DMD: variants seen among roughly 807,000 people sequenced by gnomAD.
DMD encodes the protein mutant dystrophin.
A neutral mutation model predicts 330.1 loss-of-function variants in DMD; 63 were observed. That is an observed-to-expected ratio of 0.19 (90% confidence interval 0.16 to 0.24). DMD has a LOEUF of 0.24. Ranked by LOEUF, DMD falls within the 10% of genes least tolerant of loss-of-function variation. The pLI, the probability that DMD is intolerant of heterozygous loss-of-function variation, is 1.00. For synonymous variants in DMD, 1,223 were observed against 959.8 expected, an observed-to-expected ratio of 1.27 and a Z score of -5.07; for missense variants, 3,344 against 2,684.1, an observed-to-expected ratio of 1.25 and a Z score of -5.43.
chrX:33,009,299 T>C (rs2093531002), intron 2 of DMD, among the ~76,000 whole-genome samples: 1 of 29,450 alleles, frequency 3.4e-5, no homozygotes, highest in Non-Finnish European at 8.4e-5. Flanking sequence ...TGTATATGTG[T>C]ATATACACAT....
intron 44 of DMD, among the ~76,000 whole-genome samples, chrX:32,106,535 GCTGT>G (rs1027708607): frequency 1.8e-5 from 2 of 111,765 alleles, no homozygotes; most frequent in African/African-American, 6.5e-5. Context: ...TGAAGGAGAG[GCTGT>G]CTGAGTAGGG....
At chrX:31,609,030 G>A (rs1461506381) in intron 55 of DMD, among the ~76,000 whole-genome samples, 1 of 112,037 alleles carries the variant, frequency 8.9e-6, no homozygotes, top group Non-Finnish European at 1.9e-5. Context: ...ATTCTTCAGG[G>A]TGTAATTTTT....
intron 9 of DMD, among the ~76,000 whole-genome samples, chrX:32,661,614 G>A (rs1373874242): frequency 9.0e-6 from 1 of 111,489 alleles, no homozygotes; most frequent in Non-Finnish European, 1.9e-5. Flanking sequence ...TATATTTTAT[G>A]TGAATGTGAT....
intron 59 of DMD, among the ~76,000 whole-genome samples, chrX:31,475,051 G>A (rs1465741445): frequency 1.8e-5 from 2 of 111,376 alleles, no homozygotes; most frequent in African/African-American, 6.5e-5. Context: ...TTCATAGTTT[G>A]AAACACGCAT....
chrX:32,803,451 G>C (rs774035128), intron 7 of DMD, among the ~76,000 whole-genome samples: 1 of 105,417 alleles, frequency 9.5e-6, no homozygotes, highest in Non-Finnish European at 1.9e-5. Context: ...AGGGTTTTTC[G>C]TGTCTCTATC....
rs139924876 is a variant in DMD at position 32,070,027 on chromosome X, C to G, written c.6439-101513G>C. Among the ~76,000 whole-genome samples the G allele has an allele frequency of 9.0e-5, 10 of 111,505 alleles. No homozygotes were observed. In the East Asian group the frequency reaches 2.8e-3, roughly 32 times the overall value. On this transcript the variant is annotated intron_variant, in intron 44 of 78. Coordinates refer to ENST00000357033, the MANE Select transcript of DMD (RefSeq NM_004006.3). The stretch of plus-strand genomic sequence containing the variant: ...TGTCAGCAGCAGGACTGTAGGTAGC[C>G]ACAGGGAGTACAGGCAGGGGAGGAA...
At chrX:32,404,061 T>A (rs1249189794) in intron 30 of DMD, among the ~76,000 whole-genome samples, 1 of 112,306 alleles carries the variant, frequency 8.9e-6, no homozygotes, top group Admixed American at 9.5e-5. Context: ...ATCTTTATTT[T>A]TAAGCCATTG....
chrX:31,211,371 G>C (rs1409552518), intron 64 of DMD, among the ~76,000 whole-genome samples: 1 of 111,969 alleles, frequency 8.9e-6, no homozygotes, highest in African/African-American at 3.2e-5. Flanking sequence ...CTCCATTACT[G>C]GAAGAGAGGA....
rs764564881 is a variant in DMD at position 32,978,186 on chromosome X, G to T, written c.93+41953C>A. ...GGAAGAGTTTACTACACAGAGAAAA[G>T]TTGTGGGAACACAATTATCTTTGAA... On this transcript the variant is annotated intron_variant, in intron 2 of 78. Transcript: ENST00000357033. Among the ~76,000 whole-genome samples the T allele has an allele frequency of 2.2e-3, 250 of 111,961 alleles. 2 individuals are homozygous for T. The highest frequency in any genetic ancestry group is 7.9e-3 in the African/African-American group (244 of 30,827).
intron 62 of DMD, among the ~76,000 whole-genome samples, chrX:31,289,095 C>T (rs2053456006): frequency 9.4e-6 from 1 of 106,937 alleles, no homozygotes; most frequent in South Asian, 4.1e-4. Flanking sequence ...ACCTGGCCAA[C>T]ATGGTGAAAC....
chrX:31,537,408 C>T lies in DMD; in HGVS notation c.8218-29955G>A, dbSNP rs1037645775. On this transcript the variant is annotated intron_variant, in intron 55 of 78. Transcript: ENST00000357033. ...CCTCTTCTCATCTACGAACTTTACT[C>T]TGAACCATTTCAAACCCTTGCAAGG... is the stretch of plus-strand genomic sequence containing the variant. Among the ~76,000 whole-genome samples, 5 of 111,756 alleles carry T rather than the reference C, an allele frequency of 4.5e-5. No individual in the cohort carries two copies. The Admixed American group carries it at 4.8e-4, about 11-fold the overall frequency.
chrX:32,722,743 C>A (rs1043596405), intron 7 of DMD, among the ~76,000 whole-genome samples: 1 of 110,396 alleles, frequency 9.1e-6, no homozygotes, highest in Non-Finnish European at 1.9e-5. Context: ...TTTTGGATAT[C>A]TTTTGCATAA....
intron 61 of DMD, among the ~76,000 whole-genome samples, chrX:31,341,967 T>C (rs889545927): frequency 9.1e-6 from 1 of 109,363 alleles, no homozygotes; most frequent in Non-Finnish European, 1.9e-5. Context: ...AAAACAACAC[T>C]TAACCTTGCT....
intron 2 of DMD, among the ~76,000 whole-genome samples, chrX:32,964,272 A>G (rs2092036152): frequency 9.2e-6 from 1 of 108,166 alleles, no homozygotes; most frequent in Non-Finnish European, 1.9e-5. Flanking sequence ...AAAAAAAAAA[A>G]AAATTCACTG....
At chrX:31,521,161 C>CTTT (rs751038046) in intron 55 of DMD, among the ~76,000 whole-genome samples, 27 of 100,307 alleles carry the variant, frequency 2.7e-4, no homozygotes, top group Admixed American at 6.6e-4. Flanking sequence ...ATGAGAATGA[C>CTTT]TTTTTTTTTT....
intron 21 of DMD, among the ~76,000 whole-genome samples, chrX:32,477,363 A>G (rs954512755): frequency 2.7e-5 from 3 of 110,893 alleles, no homozygotes; most frequent in Non-Finnish European, 5.7e-5. Context: ...TGGAAGTGAT[A>G]AAGTATAGGC....
intron 41 of DMD, among the ~76,000 whole-genome samples, chrX:32,324,958 A>T (rs113164031): frequency 9.8e-4 from 109 of 111,698 alleles, no homozygotes; most frequent in African/African-American, 3.3e-3. Context: ...ATGTAGAAGA[A>T]TAATAGAATA....
At chrX:32,734,436 C>G (rs1451380759) in intron 7 of DMD, among the ~76,000 whole-genome samples, 1 of 105,507 alleles carries the variant, frequency 9.5e-6, no homozygotes, top group South Asian at 4.0e-4. Flanking sequence ...CATCCTGATA[C>G]GAAAGCCTGG....
intron 30 of DMD, among the ~76,000 whole-genome samples, chrX:32,394,558 C>T (rs915133923): frequency 9.0e-5 from 10 of 111,676 alleles, no homozygotes; most frequent in African/African-American, 3.2e-4. Context: ...ATGTTATTTG[C>T]ACAAATATTT....
Sources: allele counts gnomAD v4.1 joint callset (sites outside exome capture counted in the v4.1 genomes callset), GRCh38; gene constraint gnomAD v4.1.1; transcripts MANE v1.5; gene names NCBI Gene and HGNC (gene_info 2026-07-23, HGNC 2026-07-21).